Variants in ZNF141 observed in about 807,000 individuals in gnomAD.
ZNF141 encodes zinc finger protein 141 (clone pHZ-44).
In ZNF141, 7 loss-of-function variants were observed where a neutral mutation model predicts 11.3. The observed-to-expected ratio is 0.62, with a 90% CI of 0.35 to 1.16. ZNF141 has a LOEUF of 1.16. Ranked by LOEUF, ZNF141 falls within the 50% of genes most tolerant of loss-of-function variation. ZNF141 has a pLI of 0.02. For synonymous variants in ZNF141, 183 were observed against 190.7 expected (o/e 0.96, Z 0.33); for missense variants, 535 against 554.0 (o/e 0.97, Z 0.34).
At chr4:341,752 AGAG>A (rs1336061370) in intron 1 of ZNF141, among the ~76,000 whole-genome samples, 2 of 152,210 alleles carry the variant, frequency 1.3e-5, no homozygotes, top group East Asian at 1.9e-4. Context: ...ACTGATTAAT[AGAG>A]GAGATCAGAG....
At chr4:344,858 T>C (rs1721245730) in intron 3 of ZNF141, among the ~76,000 whole-genome samples, 1 of 152,152 alleles carries the variant, frequency 6.6e-6, no homozygotes, top group Non-Finnish European at 1.5e-5. Flanking sequence ...TGAAAATAAT[T>C]TCTGAAAAAG....
rs1712162244 is a variant in ZNF141 at position 373,130 on chromosome 4, A to T, written c.693A>T (p.Glu231Asp). The T allele has an allele frequency of 1.2e-6, 2 of 1,613,960 alleles. No individual in the cohort carries two copies. Among genetic ancestry groups the T allele is most frequent in the Admixed American group, 1.7e-5 (1 of 60,004 alleles). ...GAGAGAAACCTTTTACTTGTGAAGAATGTGGCAGCATCTTTACCACATCCT... is the reference window on the plus strand; with the variant it reads ...GAGAGAAACCTTTTACTTGTGAAGATTGTGGCAGCATCTTTACCACATCCT... ...HTGEKPFTCE[E>D]CGSIFTTSSH... Residue 231 changes from glutamate (E) to aspartate (D), a missense_variant, in exon 4 of 4, where the codon GAA becomes GAT. Coordinates refer to ENST00000240499, the MANE Select transcript of ZNF141 (RefSeq NM_003441.4).
At position 373,533 on chromosome 4, in the gene ZNF141, C is replaced by T; in HGVS notation, c.1096C>T (p.Pro366Ser). Residue 366 changes from proline to serine, a missense_variant, in exon 4 of 4, where the codon CCC becomes TCC. Physicochemically the swap from Pro to Ser is moderately conservative, Grantham distance 74. Coordinates refer to ENST00000240499, the MANE Select transcript of ZNF141 (RefSeq NM_003441.4). ...TAAGAAAGTTCATACTGGAGAGCGGCCCTACAAATGTGATGAATGTGGCAA... is the reference window on the plus strand; with the variant it reads ...TAAGAAAGTTCATACTGGAGAGCGGTCCTACAAATGTGATGAATGTGGCAA... ...EHKKVHTGER[P>S]YKCDECGKAF... 6.2e-7 allele frequency: 1 copy of T among 1,613,876 alleles called. No individual in the cohort carries two copies.
rs1553854925 is a variant in ZNF141, at chr4:378,194, A to G, written c.*4332A>G. On this transcript the variant is annotated 3_prime_UTR_variant, in exon 4 of 4. Transcript: ENST00000240499. The stretch of plus-strand genomic sequence containing the variant: ...AACAACAAAAAAGAAGAAAATTTTT[A>G]GGAGACAATGGTAAGTGAGGAATTT... 6.6e-6 allele frequency: 1 copy of G among 152,190 alleles called. No homozygotes were observed. Among genetic ancestry groups the G allele is most frequent in the African/African-American group, 2.4e-5 (1 of 41,434 alleles). The allele number at this position is 152,190 out of a possible 1,614,324, so 9.4% of individuals were successfully genotyped here. A position where few individuals can be genotyped will look rare whatever the true frequency, so the allele number is the denominator to read the frequency against.
chr4:382,286 C>T lies in ZNF141; in HGVS notation c.*8424C>T, dbSNP rs2108663881. On this transcript the variant is annotated 3_prime_UTR_variant, in exon 4 of 4. Transcript: ENST00000240499. ...TTCTATGTGTGCTCTAGGCACTTGC[C>T]CTATAGCTGCTCCTAAATGTGGGGT... Among the ~76,000 whole-genome samples, 1 of 152,134 alleles carries T rather than the reference C, an allele frequency of 6.6e-6. No individual in the cohort carries two copies. Among genetic ancestry groups the T allele is most frequent in the Non-Finnish European group, 1.5e-5 (1 of 68,012 alleles).
intron 3 of ZNF141, among the ~76,000 whole-genome samples, chr4:363,100 TG>T (rs1339091724): frequency 6.6e-6 from 1 of 152,178 alleles, no homozygotes; most frequent in Non-Finnish European, 1.5e-5. Context: ...TCACATCCCT[TG>T]TAAGTTGGAT....
At chr4:371,562 CAG>C (rs1409080810) in intron 3 of ZNF141, among the ~76,000 whole-genome samples, 2 of 108,796 alleles carry the variant, frequency 1.8e-5, no homozygotes, top group Non-Finnish European at 3.9e-5. Flanking sequence ...GTGTGTGTGT[CAG>C]AGTCTCGCTG....
At position 372,973 on chromosome 4, in the gene ZNF141, C is replaced by G; in HGVS notation, c.536C>G (p.Ser179Ter). 3 of 1,614,068 alleles carry G rather than the reference C, an allele frequency of 1.9e-6. No homozygotes were observed. Among genetic ancestry groups the G allele is most frequent in the Non-Finnish European group, 2.5e-6 (3 of 1,179,976 alleles). The change falls in exon 4 of 4, where the codon TCA becomes TGA. Residue 179 changes from serine (S) to a stop codon, truncating the protein, a stop_gained. Coordinates refer to ENST00000240499, the MANE Select transcript of ZNF141 (RefSeq NM_003441.4). LOFTEE classifies it low-confidence loss of function (END_TRUNC). ...GEKHFKECGKSFQKFSHLTQH... is the reference protein window; with the variant it reads ...GEKHFKECGK ...AAACACTTTAAAGAATGTGGCAAAT[C>G]ATTTCAGAAGTTTTCACACCTAACT...
At chr4:361,475 A>C (rs1395982374) in intron 3 of ZNF141, among the ~76,000 whole-genome samples, 1 of 150,714 alleles carries the variant, frequency 6.6e-6, no homozygotes, top group Admixed American at 6.6e-5. Flanking sequence ...GGTGTGCTGC[A>C]CCCATTAACT....
intron 3 of ZNF141, among the ~76,000 whole-genome samples, chr4:369,758 ATATATATT>A (rs1711949409): frequency 8.6e-5 from 3 of 34,784 alleles, no homozygotes; most frequent in South Asian, 1.8e-3. Context: ...ATATATATAT[ATATATATT>A]TTTTTTTTTT....
In ZNF141 at chr4:383,388, A is replaced by G. The variant is rs1400178760; in HGVS notation, c.*9526A>G. 2.3e-6 allele frequency: 1 copy of G among 432,838 alleles called. No individual in the cohort carries two copies. Among genetic ancestry groups the G allele is most frequent in the Non-Finnish European group, 4.1e-6 (1 of 245,362 alleles). The allele number at this position is 432,838 out of a possible 1,614,324, so 26.8% of individuals were successfully genotyped here. On this transcript the variant is annotated 3_prime_UTR_variant, in exon 4 of 4. Coordinates refer to ENST00000240499, the MANE Select transcript of ZNF141 (RefSeq NM_003441.4). ...CATTAAAGACAGGATCTCAGGACAG[A>G]TTGATCACAAATAACCTGCAAATGC...
intron 3 of ZNF141, among the ~76,000 whole-genome samples, chr4:346,834 T>C (rs1338211504): frequency 6.7e-6 from 1 of 149,172 alleles, no homozygotes; most frequent in African/African-American, 2.6e-5. Context: ...CCTGTGTATG[T>C]GTGTGTATAT....
At chr4:341,207 C>G (rs1553848404) in intron 1 of ZNF141, among the ~76,000 whole-genome samples, 4 of 152,024 alleles carry the variant, frequency 2.6e-5, no homozygotes, top group African/African-American at 9.7e-5. Context: ...ATTACAGGCG[C>G]ACGCCACCAT....
intron 3 of ZNF141, among the ~76,000 whole-genome samples, chr4:355,328 C>A (rs1415659196): frequency 6.6e-6 from 1 of 152,090 alleles, no homozygotes; most frequent in Non-Finnish European, 1.5e-5. Context: ...GCCTCAGCCT[C>A]CCTAGTAGCT....
Position 372,730 on chromosome 4 carries a change from T to G in ZNF141, c.293T>G (p.Leu98Arg). The change falls in exon 4 of 4, where the codon CTT becomes CGT. Residue 98 changes from leucine (L) to arginine (R), a missense_variant. Leu to Arg is a moderately radical substitution (Grantham distance 102). Coordinates refer to ENST00000240499, the MANE Select transcript of ZNF141 (RefSeq NM_003441.4). Reference sequence around the variant, plus strand: ...GGCATAGAAGATTCATTCCACAAACTTATACTGAGAAGATATGAGAAATGT... The same window carrying G: ...GGCATAGAAGATTCATTCCACAAACGTATACTGAGAAGATATGAGAAATGT... ...VQGIEDSFHK[L>R]ILRRYEKCGH... is the part of the protein sequence containing the mutation. 5 of 1,612,396 alleles carry G rather than the reference T, an allele frequency of 3.1e-6. No individual in the cohort carries two copies. Among genetic ancestry groups the G allele is most frequent in the Non-Finnish European group, 4.2e-6 (5 of 1,179,060 alleles).
In ZNF141 at chr4:377,667, A is replaced by G. The variant is rs143798809; in HGVS notation, c.*3805A>G. Among the ~76,000 whole-genome samples, 900 of 152,136 alleles carry G rather than the reference A, an allele frequency of 5.9e-3. 15 individuals carry two copies. In the South Asian group the frequency reaches 0.063, roughly 11 times the overall value. ...TCACTTGAGATAAGAGTAATTCACT[A>G]TCAACAGGTAAGAGGATTAAGTCAG... On this transcript the variant is annotated 3_prime_UTR_variant, in exon 4 of 4. Transcript: ENST00000240499.
chr4:373,976 A>C lies in ZNF141; in HGVS notation c.*114A>C. 1 of 938,540 alleles carries C rather than the reference A, an allele frequency of 1.1e-6. No homozygotes were observed. The allele number at this position is 938,540 out of a possible 1,614,324, so 58.1% of individuals were successfully genotyped here. ...ACCCTGGAAATGTGAAGAACGTGGC[A>C]AAGTTCTTTACCTCATTCTCAAACC... On this transcript the variant is annotated 3_prime_UTR_variant, in exon 4 of 4. Transcript: ENST00000240499.
intron 3 of ZNF141, among the ~76,000 whole-genome samples, chr4:348,868 A>G (rs1158575225): frequency 6.6e-6 from 1 of 152,188 alleles, no homozygotes; most frequent in Non-Finnish European, 1.5e-5. Context: ...TGCCAATAAA[A>G]TTTTGATAGG....
At position 378,184 on chromosome 4, in the gene ZNF141, G is replaced by A. The variant is rs561653024; in HGVS notation, c.*4322G>A. On this transcript the variant is annotated 3_prime_UTR_variant, in exon 4 of 4. Coordinates refer to ENST00000240499, the MANE Select transcript of ZNF141 (RefSeq NM_003441.4). ...TCTCAACAACAACAACAAAAAAGAA[G>A]AAAATTTTTAGGAGACAATGGTAAG... 1 of 152,120 alleles carries A rather than the reference G, an allele frequency of 6.6e-6. No individual in the cohort carries two copies. The allele number at this position is 152,120 out of a possible 1,614,324, so 9.4% of individuals were successfully genotyped here.
Sources: gnomAD v4.1 joint callset for allele counts (sites outside exome capture counted in the v4.1 genomes callset) on GRCh38, gnomAD v4.1.1 for gene constraint, MANE v1.5 for transcripts, NCBI Gene and HGNC (gene_info 2026-07-23, HGNC 2026-07-21) for gene names.